ROBO2: variants seen among roughly 807,000 people sequenced by gnomAD.
ROBO2 encodes the protein roundabout homolog 2.
Under a neutral mutation model 160.8 loss-of-function variants are expected in ROBO2, and 53 were observed. The ratio of observed to expected loss-of-function variants is 0.33; its 90% CI spans 0.26 to 0.41. The LOEUF (loss-of-function observed/expected upper bound fraction) is 0.41, where lower values mean the gene tolerates loss of function less well. ROBO2 is among the 10% of genes least tolerant of loss of function. The pLI is 1.00. For missense variants in ROBO2, 1,577 were observed against 1,722.4 expected, an observed-to-expected ratio of 0.92 and a Z score of 1.49; for synonymous variants, 664 against 611.7, an observed-to-expected ratio of 1.09 and a Z score of -1.26.
intron 2 of ROBO2, among the ~76,000 whole-genome samples, chr3:76,095,913 T>C (rs1165045399): frequency 6.6e-6 from 1 of 152,136 alleles, no homozygotes; most frequent in African/African-American, 2.4e-5. Context: ...TTGAAGATAT[T>C]GATGACATTA....
rs58091252 is a variant in ROBO2 at position 76,524,826 on chromosome 3, T to TAAAAAAAAAAAAAAAAAAA, written c.110-573166_110-573148dup. Among the ~76,000 whole-genome samples, 6 of 21,718 alleles carry TAAAAAAAAAAAAAAAAAAA rather than the reference T, an allele frequency of 2.8e-4. 1 individual carries two copies. The highest frequency in any genetic ancestry group is 1.3e-3 in the East Asian group (1 of 780). 14.2% of individuals were successfully genotyped at this position (21,718 alleles called of 152,430 possible). A position where few individuals can be genotyped will look rare whatever the true frequency, so the allele number is the denominator to read the frequency against. ...TAAAAACCTATGACCCTCTTATTCCTAAAAAAAAAAAAAAAAAAAAAAAAA... is the reference window on the plus strand; with the variant it reads ...TAAAAACCTATGACCCTCTTATTCCTAAAAAAAAAAAAAAAAAAAAAAAAAAAAAAAAAAAAAAAAAAAA... On this transcript the variant is annotated intron_variant, in intron 2 of 26. Coordinates refer to the ROBO2 transcript ENST00000487694.
At chr3:76,484,010 G>T (rs745355965) in intron 2 of ROBO2, among the ~76,000 whole-genome samples, 18 of 152,148 alleles carry the variant, frequency 1.2e-4, no homozygotes, top group Non-Finnish European at 2.2e-4. Context: ...ATTGTGAAAA[G>T]TGTGGCAAAG....
intron 2 of ROBO2, among the ~76,000 whole-genome samples, chr3:77,156,198 A>G (rs1413310187): frequency 6.6e-6 from 1 of 151,940 alleles, no homozygotes; most frequent in East Asian, 1.9e-4. Flanking sequence ...AATCCAAGGC[A>G]CCTTCAGTAT....
chr3:76,437,060 T>C (rs2076714508), intron 2 of ROBO2, among the ~76,000 whole-genome samples: 1 of 152,246 alleles, frequency 6.6e-6, no homozygotes, highest in Admixed American at 6.5e-5. Context: ...TGTAACAGAA[T>C]GATTCAATCT....
At chr3:76,994,096 T>G (rs201630289) in intron 2 of ROBO2, among the ~76,000 whole-genome samples, 1 of 101,372 alleles carries the variant, frequency 9.9e-6, no homozygotes, top group Non-Finnish European at 1.9e-5. Flanking sequence ...TTTTGTTTTT[T>G]TTTTTTGTTG....
chr3:76,036,419 G>A (rs1327894427), intron 2 of ROBO2, among the ~76,000 whole-genome samples: 7 of 151,786 alleles, frequency 4.6e-5, no homozygotes, highest in Admixed American at 3.9e-4. Context: ...CAAAGTGCTG[G>A]GATTACAGGC....
chr3:76,257,434 C>A (rs1297528182), intron 2 of ROBO2, among the ~76,000 whole-genome samples: 2 of 152,088 alleles, frequency 1.3e-5, no homozygotes, highest in East Asian at 3.9e-4. Context: ...GATATAAATG[C>A]ATTGACTAAA....
chr3:76,755,043 A>T (rs759778579), intron 2 of ROBO2, among the ~76,000 whole-genome samples: 3 of 151,830 alleles, frequency 2.0e-5, no homozygotes, highest in Non-Finnish European at 4.4e-5. Context: ...TGTTAAATTC[A>T]TCCATGAGGT....
chr3:76,937,156 C>T (rs996136764), intron 2 of ROBO2, among the ~76,000 whole-genome samples: 10 of 152,028 alleles, frequency 6.6e-5, no homozygotes, highest in Non-Finnish European at 1.0e-4. Flanking sequence ...ATCTTTGTAA[C>T]GAAGTAAAAC....
intron 2 of ROBO2, among the ~76,000 whole-genome samples, chr3:76,888,316 C>T (rs560180128): frequency 1.4e-4 from 21 of 152,172 alleles, no homozygotes; most frequent in Admixed American, 2.0e-4. Flanking sequence ...TGCTGTGAGC[C>T]GAAATCACGG....
At chr3:76,016,684 C>T (rs900047308) in intron 2 of ROBO2, among the ~76,000 whole-genome samples, 1 of 151,936 alleles carries the variant, frequency 6.6e-6, no homozygotes, top group Non-Finnish European at 1.5e-5. Flanking sequence ...AATCTTCATG[C>T]CGTGGGCCAT....
intron 2 of ROBO2, among the ~76,000 whole-genome samples, chr3:76,898,095 A>G (rs1219639207): frequency 6.6e-6 from 1 of 152,128 alleles, no homozygotes; most frequent in Non-Finnish European, 1.5e-5. Context: ...TCTCCTCCAC[A>G]GAATTGACAA....
chr3:76,426,295 A>G (rs1464694114), intron 2 of ROBO2, among the ~76,000 whole-genome samples: 3 of 152,174 alleles, frequency 2.0e-5, no homozygotes, highest in Admixed American at 6.6e-5. Context: ...TTAAAATTCA[A>G]TGTGCCTCAG....
intron 2 of ROBO2, among the ~76,000 whole-genome samples, chr3:76,416,082 T>G (rs1275605081): frequency 6.6e-6 from 1 of 152,148 alleles, no homozygotes; most frequent in Non-Finnish European, 1.5e-5. Context: ...TCTATCATAC[T>G]AAAGCAATAT....
At chr3:76,976,408 G>T (rs933944699) in intron 2 of ROBO2, among the ~76,000 whole-genome samples, 1 of 152,112 alleles carries the variant, frequency 6.6e-6, no homozygotes, top group African/African-American at 2.4e-5. Context: ...TGCTTTAATC[G>T]CTTAAATGGG....
intron 2 of ROBO2, among the ~76,000 whole-genome samples, chr3:76,656,622 T>G (rs1326330122): frequency 6.6e-6 from 1 of 151,170 alleles, no homozygotes; most frequent in Non-Finnish European, 1.5e-5. Context: ...TTACCTTTGT[T>G]TTGTTTTGTT....
At chr3:76,786,639 A>G (rs1355855124) in intron 2 of ROBO2, among the ~76,000 whole-genome samples, 1 of 151,406 alleles carries the variant, frequency 6.6e-6, no homozygotes, top group Non-Finnish European at 1.5e-5. Context: ...TTACAATAAA[A>G]CATGAGATTT....
chr3:77,383,630 G>C (rs1240485644), intron 2 of ROBO2, among the ~76,000 whole-genome samples: 1 of 151,906 alleles, frequency 6.6e-6, no homozygotes, highest in Non-Finnish European at 1.5e-5. Flanking sequence ...TTTTTGGTTT[G>C]TTTAAGTCCC....
intron 6 of ROBO2, 36 bp downstream of exon 6, chr3:77,522,938 G>C: frequency 6.2e-7 from 1 of 1,606,386 alleles, no homozygotes; most frequent in Non-Finnish European, 8.5e-7. Context: ...AATTGAACCA[G>C]GAGACTAATA....
Sources: allele counts gnomAD v4.1 joint callset (sites outside exome capture counted in the v4.1 genomes callset), GRCh38; gene constraint gnomAD v4.1.1; transcripts MANE v1.5; gene names NCBI Gene and HGNC (gene_info 2026-07-23, HGNC 2026-07-21).